SLC35F4: variants seen among roughly 807,000 people sequenced by gnomAD.
SLC35F4 encodes solute carrier family 35 member F4.
Under a neutral mutation model 44.2 loss-of-function variants are expected in SLC35F4, and 24 were observed. The ratio of observed to expected loss-of-function variants is 0.54; its 90% CI spans 0.39 to 0.76. The LOEUF (loss-of-function observed/expected upper bound fraction) is 0.76, where lower values mean the gene tolerates loss of function less well. Among genes scored for constraint, SLC35F4 ranks in the 30% least tolerant of loss-of-function variants. The pLI, the probability that SLC35F4 is intolerant of heterozygous loss-of-function variation, is 0.00. For missense variants in SLC35F4, 562 were observed against 586.1 expected, an observed-to-expected ratio of 0.96 and a Z score of 0.42; for synonymous variants, 238 against 223.6, an observed-to-expected ratio of 1.06 and a Z score of -0.57.
intron 1 of SLC35F4, among the ~76,000 whole-genome samples, chr14:57,622,563 G>A (rs188669303): frequency 1.3e-4 from 19 of 150,988 alleles, no homozygotes; most frequent in African/African-American, 3.4e-4. Context: ...GTAAACTATC[G>A]CAAGAACAAA....
At chr14:57,616,807 A>C (rs907674393) in intron 1 of SLC35F4, among the ~76,000 whole-genome samples, 1 of 152,018 alleles carries the variant, frequency 6.6e-6, no homozygotes, top group African/African-American at 2.4e-5. Context: ...CATCTTAAAT[A>C]AGGACTAAGT....
intron 1 of SLC35F4, among the ~76,000 whole-genome samples, chr14:57,654,872 C>T (rs974139774): frequency 2.6e-5 from 4 of 152,136 alleles, no homozygotes; most frequent in African/African-American, 9.7e-5. Flanking sequence ...TTATAGGAAG[C>T]TGGTAAAGAA....
chr14:57,679,442 C>T (rs1259537524), intron 1 of SLC35F4, among the ~76,000 whole-genome samples: 2 of 151,944 alleles, frequency 1.3e-5, no homozygotes, highest in East Asian at 3.9e-4. Flanking sequence ...AAAATTGACA[C>T]CCTAATACCA....
Position 57,581,351 on chromosome 14 carries a change from TC to T in SLC35F4, c.669del (p.Trp223Ter). ...LKRTAPFSIL[W>X]TLTNYLYLLA... is the part of the protein sequence containing the mutation. ...AGTAAATAAAGGTAATTAGTCAAAG[TC>T]CATAGAATAGAAAAGGGAGCAGTTC... On this transcript the variant is annotated frameshift_variant, in exon 4 of 8. Transcript: ENST00000556826. LOFTEE classifies it high-confidence loss of function. 1 of 1,613,436 alleles carries T rather than the reference TC, an allele frequency of 6.2e-7. No individual in the cohort carries two copies. Among genetic ancestry groups the T allele is most frequent in the South Asian group, 1.1e-5 (1 of 90,930 alleles).
chr14:57,626,387 T>C (rs2072476432), intron 1 of SLC35F4, among the ~76,000 whole-genome samples: 1 of 142,100 alleles, frequency 7.0e-6, no homozygotes, highest in African/African-American at 2.5e-5. Context: ...AAAAAAAAAT[T>C]CAGTCATATA....
intron 1 of SLC35F4, among the ~76,000 whole-genome samples, chr14:57,642,321 T>C (rs1306272886): frequency 6.6e-6 from 1 of 152,022 alleles, no homozygotes; most frequent in African/African-American, 2.4e-5. Flanking sequence ...CACTCCTCTT[T>C]CAGGGCTGAT....
intron 1 of SLC35F4, among the ~76,000 whole-genome samples, chr14:57,806,845 G>C (rs1334810315): frequency 6.6e-6 from 1 of 152,142 alleles, no homozygotes; most frequent in African/African-American, 2.4e-5. Context: ...TTTAGTGTTT[G>C]TATTTCCAAA....
chr14:57,636,660 A>T (rs2073030277), intron 1 of SLC35F4, among the ~76,000 whole-genome samples: 1 of 152,092 alleles, frequency 6.6e-6, no homozygotes, highest in African/African-American at 2.4e-5. Context: ...TGGAAATATA[A>T]AAATAAGTTA....
intron 1 of SLC35F4, among the ~76,000 whole-genome samples, chr14:57,809,134 G>T (rs1042145007): frequency 5.9e-5 from 9 of 152,102 alleles, no homozygotes; most frequent in Admixed American, 2.0e-4. Context: ...AGCAGAAAGC[G>T]AATTACAGTT....
chr14:57,569,698 T>G, intron 6 of SLC35F4, 90 bp downstream of exon 6: 1 of 1,329,428 alleles, frequency 7.5e-7, no homozygotes. Flanking sequence ...GAGCACAGAG[T>G]TACCCAAGGA....
intron 1 of SLC35F4, among the ~76,000 whole-genome samples, chr14:57,613,948 C>A (rs1478864171): frequency 6.6e-6 from 1 of 152,200 alleles, no homozygotes; most frequent in East Asian, 1.9e-4. Context: ...AACATTATAA[C>A]CCCTGGACTG....
chr14:57,682,492 G>C (rs376818786), intron 1 of SLC35F4, among the ~76,000 whole-genome samples: 32 of 152,074 alleles, frequency 2.1e-4, no homozygotes, highest in Middle Eastern at 3.4e-3. Context: ...CTGTCATGGG[G>C]TAGGGGGCTA....
At chr14:57,753,969 G>C (rs1455113645) in intron 1 of SLC35F4, among the ~76,000 whole-genome samples, 3 of 152,084 alleles carry the variant, frequency 2.0e-5, no homozygotes, top group Non-Finnish European at 2.9e-5. Flanking sequence ...CAGCTCCATG[G>C]ATTGAGAATG....
intron 1 of SLC35F4, among the ~76,000 whole-genome samples, chr14:57,833,443 C>T (rs1884583653): frequency 6.6e-6 from 1 of 152,114 alleles, no homozygotes; most frequent in African/African-American, 2.4e-5. Flanking sequence ...GTAAAAGCTC[C>T]CCAGGTGATT....
intron 1 of SLC35F4, among the ~76,000 whole-genome samples, chr14:57,844,506 T>G (rs1230115090): frequency 6.6e-6 from 1 of 152,204 alleles, no homozygotes; most frequent in African/African-American, 2.4e-5. Flanking sequence ...ACAGTAAGAC[T>G]GATGTATGAT....
chr14:57,730,326 T>C lies in SLC35F4; in HGVS notation c.103+135397A>G, dbSNP rs527906594. 1.1e-4 allele frequency among the ~76,000 whole-genome samples: 16 copies of C among 152,314 alleles called. No individual in the cohort carries two copies. The East Asian group carries it at 2.7e-3, about 26-fold the overall frequency. ...ATCTTCTCATCTTTTGTCTTTCTGATAGCCATTCTAACTGGGGTGAGATGA... is the reference window on the plus strand; with the variant it reads ...ATCTTCTCATCTTTTGTCTTTCTGACAGCCATTCTAACTGGGGTGAGATGA... On this transcript the variant is annotated intron_variant, in intron 1 of 7. Transcript: ENST00000556826.
At chr14:57,647,680 C>T (rs1318234942) in intron 1 of SLC35F4, among the ~76,000 whole-genome samples, 1 of 152,110 alleles carries the variant, frequency 6.6e-6, no homozygotes, top group Non-Finnish European at 1.5e-5. Flanking sequence ...TGGTTAGGCT[C>T]CTGAACCTTT....
intron 1 of SLC35F4, among the ~76,000 whole-genome samples, chr14:57,725,747 C>T (rs2076186350): frequency 6.6e-6 from 1 of 152,100 alleles, no homozygotes; most frequent in Admixed American, 6.5e-5. Flanking sequence ...AGGGCTGGGG[C>T]AAAGTTCTCC....
intron 1 of SLC35F4, among the ~76,000 whole-genome samples, chr14:57,603,540 C>G (rs1435137798): frequency 6.6e-6 from 1 of 152,100 alleles, no homozygotes; most frequent in African/African-American, 2.4e-5. Context: ...TGGTTTCAGC[C>G]CATCAGATGC....
Sources: allele counts gnomAD v4.1 joint callset (sites outside exome capture counted in the v4.1 genomes callset), GRCh38; gene constraint gnomAD v4.1.1; transcripts MANE v1.5; gene names NCBI Gene and HGNC (gene_info 2026-07-23, HGNC 2026-07-21).